USP50: variants seen among roughly 807,000 people sequenced by gnomAD.
The protein encoded by USP50 is ubiquitin carboxyl-terminal hydrolase 50.
USP50 carries 37 observed loss-of-function variants against 39.2 expected under a neutral mutation model. The ratio of observed to expected loss-of-function variants is 0.94; its 90% confidence interval spans 0.73 to 1.24. The LOEUF is 1.24. Ranked by LOEUF, USP50 falls within the 50% of genes most tolerant of loss-of-function variation. The pLI is 0.00. For synonymous variants in USP50, 139 were observed against 144.5 expected, an observed-to-expected ratio of 0.96 and a Z score of 0.27; for missense variants, 374 against 398.2, an observed-to-expected ratio of 0.94 and a Z score of 0.52.
intron 5 of USP50, among the ~76,000 whole-genome samples, chr15:50,534,933 G>A (rs1247919053): frequency 6.6e-6 from 1 of 152,110 alleles, no homozygotes; most frequent in African/African-American, 2.4e-5. Flanking sequence ...TTGAAGTCAG[G>A]AGTTCAAGCC....
At chr15:50,523,330 T>C (rs1277496223) in intron 6 of USP50, among the ~76,000 whole-genome samples, 1 of 151,336 alleles carries the variant, frequency 6.6e-6, no homozygotes, top group Non-Finnish European at 1.5e-5. Flanking sequence ...CCACTATACT[T>C]GGCTATTTTT....
downstream of USP50, chr15:50,495,802 T>TTTTC (rs1238996458): frequency 6.9e-7 from 1 of 1,439,040 alleles, no homozygotes; most frequent in African/African-American, 1.4e-5. Context: ...AATTTAAATG[T>TTTTC]TTTCTTTGAG....
intron 2 of USP50, 64 bp from the exon 3 acceptor site, chr15:50,543,857 A>G (rs1158165783): frequency 1.3e-6 from 2 of 1,490,350 alleles, no homozygotes; most frequent in Non-Finnish European, 9.2e-7. Flanking sequence ...TAATCACCCA[A>G]GCCTAGGAAA....
chr15:50,540,163 G>A (rs552891555), intron 4 of USP50, among the ~76,000 whole-genome samples: 3 of 152,216 alleles, frequency 2.0e-5, no homozygotes, highest in East Asian at 3.9e-4. Flanking sequence ...ATTGCTGTCC[G>A]CCCCTTGTTT....
intron 6 of USP50, among the ~76,000 whole-genome samples, chr15:50,523,534 C>T (rs2052867230): frequency 6.6e-6 from 1 of 152,010 alleles, no homozygotes; most frequent in Non-Finnish European, 1.5e-5. Flanking sequence ...AAAATAATCC[C>T]ATTTGCAATA....
At chr15:50,538,446 G>A (rs906022011) in intron 5 of USP50, among the ~76,000 whole-genome samples, 2 of 152,096 alleles carry the variant, frequency 1.3e-5, no homozygotes, top group African/African-American at 4.8e-5. Flanking sequence ...TTCTGTGTGG[G>A]TGAGGAAGAA....
chr15:50,501,118 CACTT>C, intron 6 of USP50: 1 of 336,444 alleles, frequency 3.0e-6, no homozygotes, highest in Non-Finnish European at 5.7e-6. Context: ...ATTTAGTTAG[CACTT>C]AATATACATC....
intron 6 of USP50, among the ~76,000 whole-genome samples, chr15:50,526,377 C>A (rs1036761550): frequency 4.6e-5 from 7 of 152,066 alleles, no homozygotes; most frequent in African/African-American, 1.7e-4. Context: ...TATTTCTTTA[C>A]CTAGGTGGCA....
At chr15:50,539,514 T>C (rs1172254303) in intron 4 of USP50, among the ~76,000 whole-genome samples, 1 of 151,872 alleles carries the variant, frequency 6.6e-6, no homozygotes, top group Non-Finnish European at 1.5e-5. Context: ...CCTCCTGGGT[T>C]CAAGCGATTC....
At chr15:50,495,952 T>TAA, downstream of USP50, 1 of 1,613,894 alleles carries the variant, frequency 6.2e-7, no homozygotes, top group Middle Eastern at 1.7e-4. Context: ...ATGAGTCTAT[T>TAA]ATTGTTGCAC....
intron 6 of USP50, chr15:50,513,041 G>T (rs2052757799): frequency 6.6e-6 from 1 of 152,056 alleles, no homozygotes; most frequent in Admixed American, 6.6e-5. Context: ...ATGTGCAAAA[G>T]ACAAATATTT....
intron 5 of USP50, among the ~76,000 whole-genome samples, chr15:50,535,083 G>A (rs1380258627): frequency 6.6e-6 from 1 of 152,036 alleles, no homozygotes; most frequent in Admixed American, 6.6e-5. Flanking sequence ...AGTTTGCAGT[G>A]AGCCAAGACG....
chr15:50,530,911 C>A (rs1382218045), intron 5 of USP50, among the ~76,000 whole-genome samples: 1 of 152,000 alleles, frequency 6.6e-6, no homozygotes, highest in African/African-American at 2.4e-5. Flanking sequence ...GTAGTCTTGG[C>A]AATGTCCTGT....
At chr15:50,537,342 A>G (rs1451985427) in intron 5 of USP50, among the ~76,000 whole-genome samples, 1 of 152,188 alleles carries the variant, frequency 6.6e-6, no homozygotes, top group Non-Finnish European at 1.5e-5. Flanking sequence ...GAAAACTACA[A>G]AACTCCTGGA....
In USP50 at chr15:50,500,804, T is replaced by C; in HGVS notation, c.970A>G (p.Thr324Ala). Reference sequence around the variant, plus strand: ...GTGACTGAATTCTTGCAGAAAGCAGTGTAGTGGCCACCATCCAAATCACCA... The same window carrying C: ...GTGACTGAATTCTTGCAGAAAGCAGCGTAGTGGCCACCATCCAAATCACCA... The part of the protein sequence containing the change: ...HFGDLDGGHY[T>A]AFCKNSVTQA The change falls in exon 7 of 7, where the codon ACT becomes GCT. Residue 324 changes from threonine to alanine, a missense_variant. Coordinates refer to ENST00000532404, the MANE Select transcript of USP50 (RefSeq NM_203494.5). The C allele has an allele frequency of 6.3e-7, 1 of 1,590,110 alleles. No individual in the cohort carries two copies. Among genetic ancestry groups the C allele is most frequent in the African/African-American group, 1.3e-5 (1 of 74,696 alleles).
At chr15:50,496,097 A>G (rs759233141), downstream of USP50, 55 of 1,566,708 alleles carry the variant, frequency 3.5e-5, no homozygotes, top group Middle Eastern at 1.0e-3. Flanking sequence ...AAGTTTAAGA[A>G]GTAGAGAGAA....
At chr15:50,499,352 G>T, downstream of USP50, 1 of 293,966 alleles carries the variant, frequency 3.4e-6, no homozygotes, top group Non-Finnish European at 6.2e-6. Flanking sequence ...AACTAGCTAA[G>T]CATTATTATT....
chr15:50,538,903 C>A, intron 4 of USP50, 52 bp from the exon 5 acceptor site: 1 of 1,547,112 alleles, frequency 6.5e-7, no homozygotes, highest in East Asian at 2.3e-5. Context: ...CTGCAACCTG[C>A]ACTCTCTGTT....
intron 6 of USP50, among the ~76,000 whole-genome samples, chr15:50,518,233 T>A (rs2052818764): frequency 6.6e-6 from 1 of 151,338 alleles, no homozygotes. Flanking sequence ...TTTTGTTTTT[T>A]TTTTTGAGAC....
Sources: gnomAD v4.1 joint callset for allele counts (sites outside exome capture counted in the v4.1 genomes callset) on GRCh38, gnomAD v4.1.1 for gene constraint, MANE v1.5 for transcripts, NCBI Gene and HGNC (gene_info 2026-07-23, HGNC 2026-07-21) for gene names.